Variants in CDH18 observed in about 807,000 individuals in gnomAD.
CDH18 encodes cadherin-18.
CDH18 carries 31 observed loss-of-function variants against 67.9 expected under a neutral mutation model. The observed-to-expected ratio is 0.46, with a 90% confidence interval of 0.34 to 0.62. CDH18 has a LOEUF of 0.62. Among genes scored for constraint, CDH18 ranks in the 20% least tolerant of loss-of-function variants. The probability of loss-of-function intolerance (pLI) is 0.01; values close to 1 mark genes in which losing one functional copy is unlikely to be tolerated. For missense variants in CDH18, 890 were observed against 975.5 expected, an observed-to-expected ratio of 0.91 and a Z score of 1.17; for synonymous variants, 362 against 347.2, an observed-to-expected ratio of 1.04 and a Z score of -0.48.
chr5:20,554,487 TCA>T (rs1757797387), intron 1 of CDH18, among the ~76,000 whole-genome samples: 3 of 152,226 alleles, frequency 2.0e-5, no homozygotes, highest in Non-Finnish European at 2.9e-5. Context: ...TTTGCCTTTA[TCA>T]CAACTTTGTA....
At chr5:19,804,583 A>C (rs73761831) in intron 3 of CDH18, among the ~76,000 whole-genome samples, 1,607 of 152,254 alleles carry the variant, frequency 0.011, 24 homozygotes, top group African/African-American at 0.031. Flanking sequence ...ATAAGCTCAG[A>C]AATTACTTCC....
chr5:19,506,385 C>T (rs997378373), intron 10 of CDH18, among the ~76,000 whole-genome samples: 8 of 152,132 alleles, frequency 5.3e-5, no homozygotes, highest in Non-Finnish European at 1.5e-5. Context: ...CAATGACTTT[C>T]TTCACAGAAT....
chr5:20,067,587 T>A (rs1237341985), intron 2 of CDH18, among the ~76,000 whole-genome samples: 1 of 152,068 alleles, frequency 6.6e-6, no homozygotes, highest in Non-Finnish European at 1.5e-5. Flanking sequence ...ATTAATACTA[T>A]CTACTTGTTT....
chr5:19,827,873 G>A (rs1780567467), intron 3 of CDH18, among the ~76,000 whole-genome samples: 1 of 151,978 alleles, frequency 6.6e-6, no homozygotes. Flanking sequence ...ACCAAAAACA[G>A]AAGCTAAACT....
At chr5:20,372,992 G>A (rs1402814348) in intron 1 of CDH18, among the ~76,000 whole-genome samples, 3 of 152,114 alleles carry the variant, frequency 2.0e-5, no homozygotes, top group African/African-American at 7.2e-5. Flanking sequence ...CTTGGCTACT[G>A]TGAGGCTTCA....
At chr5:20,534,484 C>T (rs1386755849) in intron 1 of CDH18, among the ~76,000 whole-genome samples, 1 of 151,902 alleles carries the variant, frequency 6.6e-6, no homozygotes, top group Non-Finnish European at 1.5e-5. Context: ...ATACAATTGT[C>T]TTTGTTCATC....
intron 5 of CDH18, among the ~76,000 whole-genome samples, chr5:19,635,211 A>C (rs1752967994): frequency 6.6e-6 from 1 of 152,180 alleles, no homozygotes; most frequent in African/African-American, 2.4e-5. Context: ...AATAGAAAGA[A>C]TATGTATACC....
chr5:20,357,447 A>T (rs1741726117), intron 1 of CDH18, among the ~76,000 whole-genome samples: 1 of 152,222 alleles, frequency 6.6e-6, no homozygotes, highest in African/African-American at 2.4e-5. Context: ...TATCATTATT[A>T]GATAACAAAA....
chr5:20,196,654 G>A (rs1739004976), intron 2 of CDH18, among the ~76,000 whole-genome samples: 1 of 152,166 alleles, frequency 6.6e-6, no homozygotes, highest in African/African-American at 2.4e-5. Flanking sequence ...TACCACATAT[G>A]AAATAGAATT....
chr5:20,320,045 C>A (rs1242949875), intron 1 of CDH18, among the ~76,000 whole-genome samples: 1 of 152,092 alleles, frequency 6.6e-6, no homozygotes. Flanking sequence ...GGACACAATG[C>A]CACTCTGCTA....
At chr5:19,567,844 G>A (rs1033596447) in intron 8 of CDH18, among the ~76,000 whole-genome samples, 1 of 152,004 alleles carries the variant, frequency 6.6e-6, no homozygotes, top group Non-Finnish European at 1.5e-5. Context: ...CAACAACCAG[G>A]AGAGTGCATG....
chr5:19,696,044 A>C (rs185679275), intron 5 of CDH18, among the ~76,000 whole-genome samples: 1,529 of 151,966 alleles, frequency 0.01, 20 homozygotes, highest in African/African-American at 0.035. Context: ...TTTTTTAAAA[A>C]ACTTTAAAAC....
Position 19,713,105 on chromosome 5 carries a change from ATT to A in CDH18, c.643+8240_643+8241del, listed in dbSNP as rs34628568. The stretch of plus-strand genomic sequence containing the variant: ...TATTGGCTAAACAATAATTCCCAGT[ATT>A]TTTTTTTTCTCAATAGTTACTATTG... On this transcript the variant is annotated intron_variant, in intron 5 of 12. Transcript: ENST00000382275. Among the ~76,000 whole-genome samples the A allele has an allele frequency of 5.1e-3, 765 of 150,974 alleles. 3 individuals are homozygous for A. Among genetic ancestry groups the A allele is most frequent in the African/African-American group, 0.018 (731 of 41,254 alleles).
upstream of CDH18, among the ~76,000 whole-genome samples, chr5:19,989,534 GTGAAGATT>G (rs1799860426): frequency 6.6e-6 from 1 of 152,248 alleles, no homozygotes; most frequent in South Asian, 2.1e-4. Flanking sequence ...GCAGGTCTCT[GTGAAGATT>G]TAAAAAATCT....
intron 2 of CDH18, among the ~76,000 whole-genome samples, chr5:20,042,702 G>A (rs1740539423): frequency 6.6e-6 from 1 of 152,084 alleles, no homozygotes; most frequent in Non-Finnish European, 1.5e-5. Context: ...GGTGGCTCAC[G>A]CCTGTAATCC....
intron 2 of CDH18, among the ~76,000 whole-genome samples, chr5:20,220,203 T>C (rs1251446309): frequency 6.6e-6 from 1 of 151,972 alleles, no homozygotes. Context: ...GGAGGAACCA[T>C]GTTACCTGAC....
intron 2 of CDH18, among the ~76,000 whole-genome samples, chr5:20,180,767 G>A (rs1006203072): frequency 6.6e-6 from 1 of 152,044 alleles, no homozygotes; most frequent in African/African-American, 2.4e-5. Context: ...TCACTATCTT[G>A]TGTCTATTAT....
intron 1 of CDH18, among the ~76,000 whole-genome samples, chr5:20,500,361 C>T (rs1754184364): frequency 6.6e-6 from 1 of 152,110 alleles, no homozygotes; most frequent in South Asian, 2.1e-4. Context: ...TTGACTTGCA[C>T]ATCCTTCTAA....
At chr5:19,525,755 G>A (rs1747663364) in intron 9 of CDH18, among the ~76,000 whole-genome samples, 1 of 151,968 alleles carries the variant, frequency 6.6e-6, no homozygotes. Context: ...CTACCCATGG[G>A]TCTCTATATA....
Sources: allele counts gnomAD v4.1 joint callset (sites outside exome capture counted in the v4.1 genomes callset), GRCh38; gene constraint gnomAD v4.1.1; transcripts MANE v1.5; gene names NCBI Gene and HGNC (gene_info 2026-07-23, HGNC 2026-07-21).